Variants in ZNF385B observed in about 807,000 individuals in gnomAD.
The protein encoded by ZNF385B is zinc finger protein 385B, also known as zinc finger protein 533.
Under a neutral mutation model 39.2 loss-of-function variants are expected in ZNF385B, and 23 were observed. The ratio of observed to expected loss-of-function variants is 0.59; its 90% CI spans 0.42 to 0.83. The LOEUF (loss-of-function observed/expected upper bound fraction) is 0.83, where lower values mean the gene tolerates loss of function less well. ZNF385B is among the 40% of genes least tolerant of loss of function. ZNF385B has a pLI of 0.00. For synonymous variants in ZNF385B, 205 were observed against 222.6 expected (o/e 0.92, Z 0.70); for missense variants, 552 against 598.9 (o/e 0.92, Z 0.82).
chr2:179,513,060 G>A (rs2057803092), intron 5 of ZNF385B, among the ~76,000 whole-genome samples: 1 of 152,116 alleles, frequency 6.6e-6, no homozygotes, highest in Non-Finnish European at 1.5e-5. Flanking sequence ...AATGCAGTCT[G>A]TTTACTGTGC....
intron 1 of ZNF385B, among the ~76,000 whole-genome samples, chr2:179,805,694 TAA>T (rs1040136977): frequency 1.3e-5 from 2 of 152,126 alleles, no homozygotes; most frequent in Non-Finnish European, 2.9e-5. Flanking sequence ...AGTTAAGGAT[TAA>T]ATGAATATGT....
chr2:179,719,218 G>A (rs1490342853), intron 3 of ZNF385B, among the ~76,000 whole-genome samples: 3 of 152,018 alleles, frequency 2.0e-5, no homozygotes, highest in African/African-American at 4.8e-5. Context: ...AACATCCATT[G>A]TTTTCTGGCT....
At chr2:179,718,373 A>G (rs1222841684) in intron 3 of ZNF385B, among the ~76,000 whole-genome samples, 2 of 147,962 alleles carry the variant, frequency 1.4e-5, no homozygotes, top group Admixed American at 1.4e-4. Flanking sequence ...TTTTTATCTT[A>G]TATATTATAT....
At chr2:179,779,775 G>A (rs914164268) in intron 1 of ZNF385B, among the ~76,000 whole-genome samples, 1 of 152,130 alleles carries the variant, frequency 6.6e-6, no homozygotes, top group East Asian at 1.9e-4. Flanking sequence ...GTTCTAACCC[G>A]ATTGGGTCTT....
chr2:179,670,170 T>C (rs1352190144), intron 3 of ZNF385B, among the ~76,000 whole-genome samples: 1 of 151,706 alleles, frequency 6.6e-6, no homozygotes. Context: ...CGGGCGCCTG[T>C]AGTCCCAGCT....
In ZNF385B at chr2:179,737,502, CCA is replaced by C. The variant is rs200011477; in HGVS notation, c.298+31999_298+32000del. On this transcript the variant is annotated intron_variant, in intron 3 of 9. Coordinates refer to ENST00000410066, the MANE Select transcript of ZNF385B (RefSeq NM_152520.6). ...CTCCTGTAATCCGGCTCCATATCGCCCATCAATATCTACCTGTTTTAGGTTTT... is the reference window on the plus strand; with the variant it reads ...CTCCTGTAATCCGGCTCCATATCGCCTCAATATCTACCTGTTTTAGGTTTT... 7.5e-3 allele frequency among the ~76,000 whole-genome samples: 1,143 copies of C among 152,110 alleles called. 10 individuals carry two copies. Among genetic ancestry groups the C allele is most frequent in the African/African-American group, 0.025 (1,051 of 41,504 alleles).
intron 1 of ZNF385B, among the ~76,000 whole-genome samples, chr2:179,829,075 T>G (rs1291199822): frequency 6.7e-6 from 1 of 148,326 alleles, no homozygotes; most frequent in Non-Finnish European, 1.5e-5. Context: ...ACAAGAGCAG[T>G]ACCAAACATT....
intron 1 of ZNF385B, among the ~76,000 whole-genome samples, chr2:179,797,051 G>GAATGGGGTTTAAA (rs1415890984): frequency 1.3e-5 from 2 of 151,782 alleles, no homozygotes; most frequent in Non-Finnish European, 2.9e-5. Context: ...GTACTTTTGG[G>GAATGGGGTTTAAA]AATGGGGTTT....
chr2:179,666,144 G>A (rs1004882848), intron 3 of ZNF385B, among the ~76,000 whole-genome samples: 1 of 152,240 alleles, frequency 6.6e-6, no homozygotes. Context: ...AAGATTTTAA[G>A]ATTTGCTCCC....
chr2:179,839,765 C>A (rs1438572796), intron 1 of ZNF385B, among the ~76,000 whole-genome samples: 1 of 152,114 alleles, frequency 6.6e-6, no homozygotes, highest in Admixed American at 6.5e-5. Flanking sequence ...ACCACCCCTA[C>A]GCCCAAGGGG....
rs533707521 is a variant in ZNF385B at position 179,754,768 on chromosome 2, G to A, written c.298+14735C>T. Among the ~76,000 whole-genome samples, 288 of 152,078 alleles carry A rather than the reference G, an allele frequency of 1.9e-3. 1 individual carries two copies. Among genetic ancestry groups the A allele is most frequent in the Admixed American group, 4.8e-3 (74 of 15,276 alleles). On this transcript the variant is annotated intron_variant, in intron 3 of 9. Transcript: ENST00000410066. ...TGGTAGTTTGTATTTCTTTGGGATC[G>A]GTGGTGATATCCCCTTTATCATTTT...
chr2:179,667,187 A>AT (rs1031140629), intron 3 of ZNF385B, among the ~76,000 whole-genome samples: 1 of 152,060 alleles, frequency 6.6e-6, no homozygotes, highest in Non-Finnish European at 1.5e-5. Context: ...ATTTCTGTGG[A>AT]TTTTTTTCCC....
chr2:179,695,456 T>A (rs766996985), intron 3 of ZNF385B, among the ~76,000 whole-genome samples: 2 of 152,058 alleles, frequency 1.3e-5, no homozygotes, highest in Non-Finnish European at 2.9e-5. Context: ...GAAACTTGTT[T>A]CTAGAATATA....
chr2:179,700,896 C>T (rs544040843), intron 3 of ZNF385B, among the ~76,000 whole-genome samples: 40 of 152,250 alleles, frequency 2.6e-4, no homozygotes, highest in Non-Finnish European at 4.1e-4. Flanking sequence ...CGCTTGTAGT[C>T]GCAGCTACTC....
chr2:179,665,157 G>A (rs755939627), intron 3 of ZNF385B, among the ~76,000 whole-genome samples: 14 of 152,154 alleles, frequency 9.2e-5, no homozygotes, highest in African/African-American at 2.7e-4. Flanking sequence ...AAAGACACAC[G>A]GGAGGCTCAC....
chr2:179,731,676 A>G (rs189577903), intron 3 of ZNF385B, among the ~76,000 whole-genome samples: 130 of 152,260 alleles, frequency 8.5e-4, no homozygotes, highest in African/African-American at 3.0e-3. Flanking sequence ...ATTCCCAGCT[A>G]CTCAGGAGGT....
chr2:179,518,004 A>T (rs927902750), intron 5 of ZNF385B, among the ~76,000 whole-genome samples: 4 of 152,200 alleles, frequency 2.6e-5, no homozygotes, highest in Non-Finnish European at 5.9e-5. Context: ...AATTGATATC[A>T]AATAGTAAAA....
intron 3 of ZNF385B, among the ~76,000 whole-genome samples, chr2:179,613,011 A>G (rs1689422096): frequency 6.6e-6 from 1 of 152,178 alleles, no homozygotes; most frequent in Admixed American, 6.5e-5. Context: ...CCCTGTAGCC[A>G]TCACTGTCCT....
intron 1 of ZNF385B, among the ~76,000 whole-genome samples, chr2:179,860,050 G>A (rs531901335): frequency 3.0e-4 from 46 of 152,270 alleles, no homozygotes; most frequent in African/African-American, 1.1e-3. Context: ...CCACGCTTTA[G>A]GCTAGGCCCT....
Sources: gnomAD v4.1 joint callset for allele counts (sites outside exome capture counted in the v4.1 genomes callset) on GRCh38, gnomAD v4.1.1 for gene constraint, MANE v1.5 for transcripts, NCBI Gene and HGNC (gene_info 2026-07-23, HGNC 2026-07-21) for gene names.